The following TAFA1 variants were observed in gnomAD, a reference collection of about 807,000 sequenced individuals.
The protein encoded by TAFA1 is TAFA chemokine like family member 1.
Under a neutral mutation model 18.5 loss-of-function variants are expected in TAFA1, and 4 were observed. The ratio of observed to expected loss-of-function variants is 0.22; its 90% CI spans 0.11 to 0.49. TAFA1 has a LOEUF of 0.49. TAFA1 is among the 20% of genes least tolerant of loss of function. The probability of loss-of-function intolerance (pLI) is 0.98; values close to 1 mark genes in which losing one functional copy is unlikely to be tolerated. For missense variants in TAFA1, 147 were observed against 169.0 expected (o/e 0.87, Z 0.72); for synonymous variants, 56 against 55.2 (o/e 1.01, Z -0.06).
chr3:68,063,045 A>G (rs901633424), intron 2 of TAFA1, among the ~76,000 whole-genome samples: 4 of 152,230 alleles, frequency 2.6e-5, no homozygotes, highest in African/African-American at 4.8e-5. Context: ...GGGACACTGT[A>G]TCCAGATTAA....
intron 2 of TAFA1, among the ~76,000 whole-genome samples, chr3:68,123,336 C>T (rs1372022632): frequency 6.6e-6 from 1 of 151,994 alleles, no homozygotes; most frequent in Non-Finnish European, 1.5e-5. Flanking sequence ...TCTCAAAGTA[C>T]CTGGGGAGGA....
chr3:68,138,219 G>A (rs1000686969), intron 2 of TAFA1, among the ~76,000 whole-genome samples: 1 of 152,174 alleles, frequency 6.6e-6, no homozygotes, highest in Non-Finnish European at 1.5e-5. Flanking sequence ...GCAGAGCCAT[G>A]TGACAAGAAG....
At chr3:68,042,410 G>C (rs1186468294) in intron 2 of TAFA1, among the ~76,000 whole-genome samples, 1 of 152,168 alleles carries the variant, frequency 6.6e-6, no homozygotes, top group African/African-American at 2.4e-5. Context: ...AGCACGTTGG[G>C]AGGCCAAGGT....
intron 4 of TAFA1, among the ~76,000 whole-genome samples, chr3:68,541,805 G>A (rs1180461093): frequency 1.3e-5 from 2 of 152,280 alleles, no homozygotes; most frequent in Middle Eastern, 3.4e-3. Context: ...ATAAAAGACT[G>A]TTCCAAACCT....
chr3:68,108,386 A>T (rs1178512740), intron 2 of TAFA1, among the ~76,000 whole-genome samples: 1 of 152,122 alleles, frequency 6.6e-6, no homozygotes, highest in African/African-American at 2.4e-5. Flanking sequence ...TCTCTATGAA[A>T]TATTCAATGT....
intron 2 of TAFA1, among the ~76,000 whole-genome samples, chr3:68,210,263 C>A (rs1193425060): frequency 6.6e-6 from 1 of 152,010 alleles, no homozygotes; most frequent in East Asian, 1.9e-4. Context: ...ACCAAGCTGT[C>A]TGAAGGCCTG....
At chr3:68,398,891 A>C (rs1449194734) in intron 2 of TAFA1, among the ~76,000 whole-genome samples, 1 of 152,196 alleles carries the variant, frequency 6.6e-6, no homozygotes, top group African/African-American at 2.4e-5. Context: ...TATCTAAAGG[A>C]ATAAGTTTAT....
intron 3 of TAFA1, among the ~76,000 whole-genome samples, chr3:68,431,166 G>T (rs534818445): frequency 2.5e-4 from 38 of 151,920 alleles, no homozygotes; most frequent in Non-Finnish European, 4.6e-4. Flanking sequence ...GGGTAGTATA[G>T]TGTTGTAAAA....
At chr3:68,374,784 G>A (rs1239417759) in intron 2 of TAFA1, among the ~76,000 whole-genome samples, 1 of 152,154 alleles carries the variant, frequency 6.6e-6, no homozygotes, top group Non-Finnish European at 1.5e-5. Flanking sequence ...TTTCTTGTGA[G>A]ATGAATGTCT....
At chr3:68,391,390 T>G (rs1354347676) in intron 2 of TAFA1, among the ~76,000 whole-genome samples, 2 of 152,152 alleles carry the variant, frequency 1.3e-5, no homozygotes, top group East Asian at 3.9e-4. Flanking sequence ...ATGTTTGGTG[T>G]ACCTGAAAGT....
chr3:68,261,420 T>C (rs2067419148), intron 2 of TAFA1, among the ~76,000 whole-genome samples: 1 of 152,176 alleles, frequency 6.6e-6, no homozygotes, highest in African/African-American at 2.4e-5. Flanking sequence ...ACTGGGTATA[T>C]ACCCAAAGGA....
intron 2 of TAFA1, among the ~76,000 whole-genome samples, chr3:68,280,690 A>C (rs2067882972): frequency 1.3e-5 from 2 of 152,112 alleles, no homozygotes; most frequent in Admixed American, 6.6e-5. Context: ...AAATTATATC[A>C]CTTTCATGGA....
chr3:68,407,793 T>G (rs556468828), intron 2 of TAFA1, among the ~76,000 whole-genome samples: 9 of 152,234 alleles, frequency 5.9e-5, no homozygotes, highest in South Asian at 4.1e-4. Flanking sequence ...TGCCCAGAAT[T>G]TCTTCCTTTT....
At position 68,100,251 on chromosome 3, in the gene TAFA1, G is replaced by A. The variant is rs557861004; in HGVS notation, c.118+93507G>A. On this transcript the variant is annotated intron_variant, in intron 2 of 4. Coordinates refer to ENST00000478136, the MANE Select transcript of TAFA1 (RefSeq NM_213609.4). ...TGTAATCCCAGCACTTAGGGAGGCTGAGGCATGCAGATCATTTGAGGTTAG... is the reference window on the plus strand; with the variant it reads ...TGTAATCCCAGCACTTAGGGAGGCTAAGGCATGCAGATCATTTGAGGTTAG... Among the ~76,000 whole-genome samples the A allele has an allele frequency of 1.6e-3, 240 of 152,294 alleles. 2 individuals carry two copies. Among genetic ancestry groups the A allele is most frequent in the African/African-American group, 5.6e-3 (232 of 41,572 alleles).
At chr3:68,385,111 C>T (rs569276269) in intron 2 of TAFA1, among the ~76,000 whole-genome samples, 1 of 152,104 alleles carries the variant, frequency 6.6e-6, no homozygotes, top group Non-Finnish European at 1.5e-5. Context: ...GTTGCCCTTT[C>T]TTAACCTCGC....
At position 68,426,963 on chromosome 3, in the gene TAFA1, G is replaced by T. The variant is rs75284393; in HGVS notation, c.259+9543G>T. ...TAATGCGTATACTTGGATTAATGTA[G>T]CAAGTCTCATTGTAAAGCCCATCTA... On this transcript the variant is annotated intron_variant, in intron 3 of 4. Transcript: ENST00000478136. Among the ~76,000 whole-genome samples, 281 of 151,936 alleles carry T rather than the reference G, an allele frequency of 1.8e-3. 4 individuals are homozygous for T. The highest frequency in any genetic ancestry group is 6.5e-3 in the African/African-American group (269 of 41,478).
rs143247812 is a variant in TAFA1, at chr3:68,434,847, C to T, written c.259+17427C>T. The stretch of plus-strand genomic sequence containing the variant: ...GAATTCAAGAGAAACATGTCTAATA[C>T]TACCTCCTGTCGAAACCAAAAATGA... On this transcript the variant is annotated intron_variant, in intron 3 of 4. Coordinates refer to ENST00000478136, the MANE Select transcript of TAFA1 (RefSeq NM_213609.4). Among the ~76,000 whole-genome samples, 102 of 152,214 alleles carry T rather than the reference C, an allele frequency of 6.7e-4. No individual in the cohort carries two copies. In the East Asian group the frequency reaches 0.018, roughly 27 times the overall value.
At chr3:68,042,740 T>C (rs974688261) in intron 2 of TAFA1, among the ~76,000 whole-genome samples, 3 of 152,224 alleles carry the variant, frequency 2.0e-5, no homozygotes, top group Admixed American at 6.5e-5. Flanking sequence ...CTAATTTTCA[T>C]GACATATCTT....
intron 2 of TAFA1, among the ~76,000 whole-genome samples, chr3:68,202,976 C>G: frequency 6.6e-6 from 1 of 151,662 alleles, no homozygotes; most frequent in Admixed American, 6.6e-5. Context: ...ACTTTTAACA[C>G]TTCTTTAAGG....
Sources: gnomAD v4.1 joint callset for allele counts (sites outside exome capture counted in the v4.1 genomes callset) on GRCh38, gnomAD v4.1.1 for gene constraint, MANE v1.5 for transcripts, NCBI Gene and HGNC (gene_info 2026-07-23, HGNC 2026-07-21) for gene names.